The following FRYL variants were observed in gnomAD, a reference collection of about 807,000 sequenced individuals.
The protein encoded by FRYL is protein furry homolog-like.
FRYL carries 150 observed loss-of-function variants against 351.2 expected under a neutral mutation model. The observed-to-expected ratio is 0.43, with a 90% CI of 0.37 to 0.49. The LOEUF (loss-of-function observed/expected upper bound fraction) is 0.49. Among genes scored for constraint, FRYL ranks in the 20% least tolerant of loss-of-function variants. The pLI, the probability that FRYL is intolerant of heterozygous loss-of-function variation, is 0.00. For synonymous variants in FRYL, 1,153 were observed against 1,257.1 expected, an observed-to-expected ratio of 0.92 and a Z score of 1.75; for missense variants, 3,036 against 3,619.3, an observed-to-expected ratio of 0.84 and a Z score of 4.13.
chr4:48,741,720 G>A lies in FRYL; in HGVS notation c.-383-31022C>T, dbSNP rs547035305. On this transcript the variant is annotated intron_variant, in intron 1 of 63. Transcript: ENST00000358350. ...CAAAATAATAATAATAATAATAATA[G>A]TAATAATAAAGACATGGAGGAAACT... Among the ~76,000 whole-genome samples the A allele has an allele frequency of 5.3e-5, 8 of 151,480 alleles. No homozygotes were observed. In the South Asian group the frequency reaches 6.3e-4, roughly 12 times the overall value.
chr4:48,565,497 T>C lies in FRYL; in HGVS notation c.3330+34A>G, dbSNP rs915582650. On this transcript the variant is annotated intron_variant, in intron 29 of 63. Transcript: ENST00000358350. ...ACTTAAAAATACTTAACTCTGCTCT[T>C]AAGAAAAAAGAAATCAGGTTTCTAA... 2.7e-6 allele frequency: 4 copies of C among 1,503,662 alleles called. No individual in the cohort carries two copies. The Admixed American group carries it at 7.0e-5, about 26-fold the overall frequency. 93.1% of individuals were successfully genotyped at this position (1,503,662 alleles called of 1,614,324 possible). A position where few individuals can be genotyped will look rare whatever the true frequency, so the allele number is the denominator to read the frequency against.
intron 1 of FRYL, among the ~76,000 whole-genome samples, chr4:48,737,418 C>A (rs925115688): frequency 6.6e-6 from 1 of 151,926 alleles, no homozygotes; most frequent in African/African-American, 2.4e-5. Flanking sequence ...CATAATCTAC[C>A]AAAATTCACA....
At chr4:48,646,173 T>A (rs1023415473) in intron 3 of FRYL, among the ~76,000 whole-genome samples, 1 of 152,224 alleles carries the variant, frequency 6.6e-6, no homozygotes, top group African/African-American at 2.4e-5. Flanking sequence ...CATTCCTCAT[T>A]TTTTATGAAT....
chr4:48,593,336 A>C (rs947604380), intron 16 of FRYL, among the ~76,000 whole-genome samples: 1 of 85,826 alleles, frequency 1.2e-5, no homozygotes, highest in African/African-American at 4.2e-5. Context: ...AACCTGATAA[A>C]ATTTTCCTTT....
At chr4:48,517,645 AAAT>A in intron 55 of FRYL, among the ~76,000 whole-genome samples, 1 of 152,342 alleles carries the variant, frequency 6.6e-6, no homozygotes, top group African/African-American at 2.4e-5. Context: ...CTCTGTGAGT[AAAT>A]ACAAGTGAAG....
chr4:48,603,521 G>A, intron 11 of FRYL, 133 bp from the exon 12 acceptor site: 1 of 645,560 alleles, frequency 1.5e-6, no homozygotes, highest in Non-Finnish European at 2.7e-6. Context: ...GTACTACAAT[G>A]TGCCAAGTGA....
intron 1 of FRYL, among the ~76,000 whole-genome samples, chr4:48,730,528 C>T (rs538016021): frequency 4.6e-5 from 7 of 152,276 alleles, no homozygotes; most frequent in African/African-American, 1.4e-4. Context: ...AGAATAACAG[C>T]GGATCTCTCT....
intron 19 of FRYL, among the ~76,000 whole-genome samples, chr4:48,583,711 T>C (rs995327764): frequency 1.3e-5 from 2 of 151,998 alleles, no homozygotes; most frequent in African/African-American, 4.8e-5. Context: ...GAGACCAGCC[T>C]GGCCAACATG....
intron 3 of FRYL, among the ~76,000 whole-genome samples, chr4:48,639,206 A>C (rs896856949): frequency 2.0e-5 from 3 of 152,148 alleles, no homozygotes; most frequent in Non-Finnish European, 2.9e-5. Context: ...GCATATTCTG[A>C]AGTTTATATG....
At chr4:48,679,549 G>A (rs1383671073) in intron 3 of FRYL, among the ~76,000 whole-genome samples, 1 of 152,000 alleles carries the variant, frequency 6.6e-6, no homozygotes, top group Non-Finnish European at 1.5e-5. Context: ...GGGGGAAGGT[G>A]GGGGAATAGG....
chr4:48,764,118 T>A (rs982119738), intron 1 of FRYL, among the ~76,000 whole-genome samples: 1 of 152,026 alleles, frequency 6.6e-6, no homozygotes, highest in Non-Finnish European at 1.5e-5. Flanking sequence ...CATAGTGAGC[T>A]GAGATTGTGC....
intron 4 of FRYL, among the ~76,000 whole-genome samples, chr4:48,632,110 A>ATATGTATATG (rs1240378707): frequency 1.6e-4 from 15 of 94,754 alleles, no homozygotes; most frequent in South Asian, 3.9e-4. Flanking sequence ...ATATATATAT[A>ATATGTATATG]TATATATATA....
intron 7 of FRYL, among the ~76,000 whole-genome samples, chr4:48,617,370 A>G (rs1749715265): frequency 6.7e-6 from 1 of 149,452 alleles, no homozygotes; most frequent in Non-Finnish European, 1.5e-5. Flanking sequence ...TTTTAAAGAG[A>G]CAGGGTCTTG....
chr4:48,693,025 T>A (rs1240691148), intron 2 of FRYL, among the ~76,000 whole-genome samples: 5 of 152,218 alleles, frequency 3.3e-5, no homozygotes, highest in African/African-American at 1.2e-4. Context: ...TACACTTGGC[T>A]TTACTCCCCT....
intron 23 of FRYL, among the ~76,000 whole-genome samples, chr4:48,578,439 A>G (rs1740152504): frequency 6.6e-6 from 1 of 152,180 alleles, no homozygotes; most frequent in Admixed American, 6.5e-5. Flanking sequence ...ACAAAACAAA[A>G]CAAAAACTAA....
chr4:48,581,343 A>G, intron 21 of FRYL, 77 bp downstream of exon 21: 1 of 1,311,518 alleles, frequency 7.6e-7, no homozygotes, highest in East Asian at 2.4e-5. Context: ...TAACCTACCT[A>G]CATGGGATAA....
In FRYL at chr4:48,681,122, C is replaced by A. The variant is rs73148265; in HGVS notation, c.-81+3551G>T. 2.5e-3 allele frequency: 3,119 copies of A among 1,239,690 alleles called. 67 individuals are homozygous for A. The African/African-American group carries it at 0.045, about 18-fold the overall frequency. 76.8% of individuals were successfully genotyped at this position (1,239,690 alleles called of 1,614,324 possible). On this transcript the variant is annotated intron_variant, in intron 3 of 63. Transcript: ENST00000358350. Reference sequence around the variant, plus strand: ...GGAGGAACAACTCTCTTTAAAAAATCCATTTTAAGGTTCTTCTACATTACT... The same window carrying A: ...GGAGGAACAACTCTCTTTAAAAAATACATTTTAAGGTTCTTCTACATTACT...
chr4:48,558,009 C>A (rs1734515146), intron 33 of FRYL, among the ~76,000 whole-genome samples: 3 of 151,928 alleles, frequency 2.0e-5, no homozygotes, highest in Non-Finnish European at 4.4e-5. Flanking sequence ...ATGATGGTTC[C>A]TCAAAAAAAT....
At position 48,542,187 on chromosome 4, in the gene FRYL, T is replaced by C. The variant is rs1730331606; in HGVS notation, c.5593-66A>G. ...AATAAAGAAACTGCAATGGACTTCCTAATGGGATTTTAAAATAGAACAAAC... is the reference window on the plus strand; with the variant it reads ...AATAAAGAAACTGCAATGGACTTCCCAATGGGATTTTAAAATAGAACAAAC... On this transcript the variant is annotated intron_variant, in intron 44 of 63. Coordinates refer to ENST00000358350, the MANE Select transcript of FRYL (RefSeq NM_015030.2). 7.6e-6 allele frequency: 8 copies of C among 1,052,820 alleles called. No individual in the cohort carries two copies. The South Asian group carries it at 9.1e-5, about 12-fold the overall frequency. The allele number at this position is 1,052,820 out of a possible 1,614,324, so 65.2% of individuals were successfully genotyped here.
Sources: gnomAD v4.1 joint callset for allele counts (sites outside exome capture counted in the v4.1 genomes callset) on GRCh38, gnomAD v4.1.1 for gene constraint, MANE v1.5 for transcripts, NCBI Gene and HGNC (gene_info 2026-07-23, HGNC 2026-07-21) for gene names.